Variants in DCC observed in about 807,000 individuals in gnomAD.
DCC encodes the protein netrin receptor DCC.
Under a neutral mutation model 172.5 loss-of-function variants are expected in DCC, and 58 were observed. The ratio of observed to expected loss-of-function variants is 0.34; its 90% CI spans 0.27 to 0.42. The LOEUF (loss-of-function observed/expected upper bound fraction) is 0.42, where lower values mean the gene tolerates loss of function less well. Among genes scored for constraint, DCC ranks in the 10% least tolerant of loss-of-function variants. The pLI is 1.00. For missense variants in DCC, 1,740 were observed against 1,791.0 expected, an observed-to-expected ratio of 0.97 and a Z score of 0.51; for synonymous variants, 709 against 644.5, an observed-to-expected ratio of 1.10 and a Z score of -1.52.
At chr18:52,774,766 G>C (rs1160926828) in intron 2 of DCC, among the ~76,000 whole-genome samples, 1 of 25,790 alleles carries the variant, frequency 3.9e-5, no homozygotes, top group East Asian at 3.8e-3. Context: ...AAAGGTTAAG[G>C]AGAGGTGCCC....
chr18:52,783,399 T>C (rs1276984154), intron 2 of DCC, among the ~76,000 whole-genome samples: 2 of 135,560 alleles, frequency 1.5e-5, no homozygotes, highest in East Asian at 2.3e-4. Context: ...ATGCTATTGC[T>C]TTACACAAGG....
At chr18:52,754,604 C>T (rs2037050948) in intron 2 of DCC, among the ~76,000 whole-genome samples, 1 of 152,188 alleles carries the variant, frequency 6.6e-6, no homozygotes, top group African/African-American at 2.4e-5. Context: ...GCCTCCAGAA[C>T]TTTGAGAAAT....
chr18:52,618,204 T>TG (rs1262036439), intron 1 of DCC, among the ~76,000 whole-genome samples: 3 of 151,806 alleles, frequency 2.0e-5, no homozygotes, highest in African/African-American at 7.3e-5. Flanking sequence ...TCCTTTAGAA[T>TG]GGAAAAAAAA....
intron 27 of DCC, among the ~76,000 whole-genome samples, chr18:53,523,942 A>C (rs913626355): frequency 1.3e-5 from 2 of 152,094 alleles, no homozygotes; most frequent in South Asian, 2.1e-4. Context: ...TATTAAATTT[A>C]TATTAATAAA....
At chr18:53,435,385 A>T (rs1021283652) in intron 22 of DCC, among the ~76,000 whole-genome samples, 176 bp downstream of exon 22, 2 of 152,000 alleles carry the variant, frequency 1.3e-5, no homozygotes, top group Non-Finnish European at 2.9e-5. Context: ...CAAAAAAAAC[A>T]AAAAACTTCT....
At chr18:52,428,122 C>T (rs1189234195) in intron 1 of DCC, among the ~76,000 whole-genome samples, 1 of 152,032 alleles carries the variant, frequency 6.6e-6, no homozygotes, top group Non-Finnish European at 1.5e-5. Context: ...TATCTTCTCT[C>T]TCTGCAGCCC....
chr18:53,319,163 G>T (rs1249795580), intron 13 of DCC, among the ~76,000 whole-genome samples: 1 of 152,130 alleles, frequency 6.6e-6, no homozygotes, highest in Non-Finnish European at 1.5e-5. Context: ...AAAACATACC[G>T]AATTGTAAAG....
At chr18:52,795,074 T>C (rs12955893) in intron 2 of DCC, among the ~76,000 whole-genome samples, 85,992 of 151,770 alleles carry the variant, frequency 0.57, 28,203 homozygotes, top group East Asian at 0.88. Flanking sequence ...TCAGAAAAAA[T>C]GGCCTGTAGG....
At chr18:52,993,303 A>G (rs2041425554) in intron 5 of DCC, among the ~76,000 whole-genome samples, 1 of 152,154 alleles carries the variant, frequency 6.6e-6, no homozygotes, top group Non-Finnish European at 1.5e-5. Context: ...TTTACGTAGG[A>G]TGTAACTCCA....
intron 16 of DCC, 42 bp from the exon 17 acceptor site, chr18:53,391,609 TTACG>T (rs1450071658): frequency 8.2e-7 from 1 of 1,217,932 alleles, no homozygotes; most frequent in Non-Finnish European, 1.2e-6. Context: ...ACGCTTTTAT[TTACG>T]TATTTATTTG....
intron 12 of DCC, among the ~76,000 whole-genome samples, chr18:53,234,849 T>C (rs974757308): frequency 3.9e-5 from 6 of 152,198 alleles, no homozygotes; most frequent in African/African-American, 1.4e-4. Context: ...CTGTAATTAT[T>C]GATTTAAAGC....
chr18:52,368,267 T>G (rs188995602), intron 1 of DCC, among the ~76,000 whole-genome samples: 4 of 152,352 alleles, frequency 2.6e-5, no homozygotes, highest in Non-Finnish European at 5.9e-5. Context: ...TTCTTTCTTT[T>G]TTTCATGAAC....
chr18:52,568,040 GGTTT>G (rs1464257433), intron 1 of DCC, among the ~76,000 whole-genome samples: 4 of 152,050 alleles, frequency 2.6e-5, no homozygotes, highest in South Asian at 2.1e-4. Context: ...TTTTCATAAT[GGTTT>G]GTTTGGCTAA....
At chr18:52,342,997 T>A (rs1308100978) in intron 1 of DCC, among the ~76,000 whole-genome samples, 2 of 152,202 alleles carry the variant, frequency 1.3e-5, no homozygotes, top group Non-Finnish European at 2.9e-5. Flanking sequence ...AAGGGATACA[T>A]ACACACACAT....
chr18:53,475,636 T>C (rs534331349), intron 25 of DCC, among the ~76,000 whole-genome samples: 1 of 152,096 alleles, frequency 6.6e-6, no homozygotes, highest in Non-Finnish European at 1.5e-5. Flanking sequence ...AGAGGATATA[T>C]GGAAATGCCT....
chr18:53,092,838 A>G (rs1568300015), intron 7 of DCC, among the ~76,000 whole-genome samples: 1 of 152,130 alleles, frequency 6.6e-6, no homozygotes, highest in African/African-American at 2.4e-5. Flanking sequence ...CCCCGAAACA[A>G]CTTGTTAAGG....
chr18:53,405,351 A>G (rs891551134), intron 19 of DCC, among the ~76,000 whole-genome samples: 1 of 152,132 alleles, frequency 6.6e-6, no homozygotes, highest in Admixed American at 6.5e-5. Context: ...TCAGGCTTCT[A>G]AGGGAGACAC....
chr18:52,974,534 A>G (rs2041083542), intron 5 of DCC, among the ~76,000 whole-genome samples: 1 of 152,208 alleles, frequency 6.6e-6, no homozygotes. Context: ...GAATTTATAA[A>G]AAAAGAGTGA....
intron 24 of DCC, 134 bp downstream of exon 24, chr18:53,459,592 T>C (rs1457370435): frequency 2.9e-6 from 2 of 699,782 alleles, no homozygotes; most frequent in Non-Finnish European, 5.2e-6. Flanking sequence ...GTTAAATGGA[T>C]CTAATATAAA....
Sources: allele counts gnomAD v4.1 joint callset (sites outside exome capture counted in the v4.1 genomes callset), GRCh38; gene constraint gnomAD v4.1.1; transcripts MANE v1.5; gene names NCBI Gene and HGNC (gene_info 2026-07-23, HGNC 2026-07-21).